The following CACNA2D1 variants were observed in gnomAD, a reference collection of about 807,000 sequenced individuals.
CACNA2D1 encodes the protein voltage-dependent calcium channel subunit alpha-2/delta-1.
In CACNA2D1, 53 loss-of-function variants were observed where a neutral mutation model predicts 171.5. The ratio of observed to expected loss-of-function variants is 0.31; its 90% CI spans 0.25 to 0.39. The LOEUF is 0.39. Ranked by LOEUF, CACNA2D1 falls within the 10% of genes least tolerant of loss-of-function variation. The pLI is 1.00. For missense variants in CACNA2D1, 903 were observed against 1,299.8 expected (o/e 0.69, Z 4.69); for synonymous variants, 442 against 443.1 (o/e 1.00, Z 0.03).
intron 3 of CACNA2D1, among the ~76,000 whole-genome samples, chr7:82,185,931 C>T (rs542547563): frequency 5.9e-5 from 9 of 151,852 alleles, no homozygotes; most frequent in East Asian, 5.9e-4. Context: ...CCTAGGCAGG[C>T]GGATCACCTG....
At chr7:82,104,181 G>A (rs1477522891) in intron 6 of CACNA2D1, among the ~76,000 whole-genome samples, 2 of 151,820 alleles carry the variant, frequency 1.3e-5, no homozygotes, top group Non-Finnish European at 2.9e-5. Context: ...CACGTTTTCC[G>A]TTATTTTAAT....
At chr7:82,221,467 G>C (rs547053129) in intron 3 of CACNA2D1, among the ~76,000 whole-genome samples, 1 of 152,080 alleles carries the variant, frequency 6.6e-6, no homozygotes, top group Non-Finnish European at 1.5e-5. Context: ...AACCTCAGCC[G>C]GGGGCGGTGG....
intron 1 of CACNA2D1, among the ~76,000 whole-genome samples, chr7:82,381,790 G>A (rs2129449447): frequency 6.6e-6 from 1 of 152,202 alleles, no homozygotes; most frequent in South Asian, 2.1e-4. Context: ...GAAAACTCAA[G>A]AATAAAATTC....
intron 36 of CACNA2D1, 41 bp from the exon 37 acceptor site, chr7:81,959,870 T>TCCAAAATAAATGGAAATCTTTC (rs372007526): frequency 2.5e-6 from 4 of 1,593,670 alleles, no homozygotes; most frequent in Non-Finnish European, 3.4e-6. Flanking sequence ...GAGTATCTTT[T>TCCAAAATAAATGGAAATCTTTC]CCAAAATAAA....
chr7:81,947,895 A>G lies in CACNA2D1; in HGVS notation c.*2497T>C, dbSNP rs1042187312. On this transcript the variant is annotated 3_prime_UTR_variant, in exon 39 of 39. Transcript: ENST00000356860. ...ATTTGTAATTGCATTTATGGTTGTC[A>G]TAATATATAACTTTATAGCAGAAAA... 3 of 152,012 alleles carry G rather than the reference A, an allele frequency of 2.0e-5. No homozygotes were observed. The highest frequency in any genetic ancestry group is 7.2e-5 in the African/African-American group (3 of 41,540). 9.4% of individuals were successfully genotyped at this position (152,012 alleles called of 1,614,324 possible). A position where few individuals can be genotyped will look rare whatever the true frequency, so the allele number is the denominator to read the frequency against.
chr7:82,355,881 C>T (rs538089803), intron 1 of CACNA2D1, among the ~76,000 whole-genome samples: 4 of 152,106 alleles, frequency 2.6e-5, no homozygotes, highest in Non-Finnish European at 5.9e-5. Flanking sequence ...TCTTAACTAC[C>T]ATTTGATCAT....
At chr7:82,085,232 TA>T (rs1035704748) in intron 6 of CACNA2D1, among the ~76,000 whole-genome samples, 3 of 152,156 alleles carry the variant, frequency 2.0e-5, no homozygotes, top group African/African-American at 7.2e-5. Context: ...TGAAAATGTT[TA>T]GCAGCATCTC....
At chr7:81,997,860 GGT>G (rs1442288197) in intron 18 of CACNA2D1, among the ~76,000 whole-genome samples, 2 of 151,716 alleles carry the variant, frequency 1.3e-5, no homozygotes, top group Non-Finnish European at 2.9e-5. Context: ...TAAATTTTGT[GGT>G]TGTCATAAAG....
At chr7:81,950,660 C>G in intron 38 of CACNA2D1, 152 bp from the exon 39 acceptor site, 1 of 1,163,512 alleles carries the variant, frequency 8.6e-7, no homozygotes, top group South Asian at 1.6e-5. Flanking sequence ...AAAGAAATTA[C>G]TTTCTCCTAG....
At chr7:82,271,493 T>C (rs1808630232) in intron 3 of CACNA2D1, among the ~76,000 whole-genome samples, 1 of 152,164 alleles carries the variant, frequency 6.6e-6, no homozygotes. Context: ...CCATTATCAC[T>C]TGTCAAATTT....
chr7:82,308,951 G>A (rs367684894), intron 3 of CACNA2D1, among the ~76,000 whole-genome samples: 1 of 152,206 alleles, frequency 6.6e-6, no homozygotes, highest in East Asian at 1.9e-4. Context: ...GGTCTAAATC[G>A]GGTGGAGAAG....
chr7:82,436,312 G>C (rs1283848323), intron 1 of CACNA2D1, among the ~76,000 whole-genome samples: 2 of 152,064 alleles, frequency 1.3e-5, no homozygotes, highest in Non-Finnish European at 2.9e-5. Flanking sequence ...TTACCTGCAA[G>C]TTATTTCTTT....
rs555770675 is a variant in CACNA2D1 at position 82,349,487 on chromosome 7, A to G, written c.177+81T>C. The G allele has an allele frequency of 5.0e-5, 55 of 1,096,606 alleles. 1 individual carries two copies. The highest frequency in any genetic ancestry group is 4.5e-4 in the South Asian group (36 of 80,600). 67.9% of individuals were successfully genotyped at this position (1,096,606 alleles called of 1,614,324 possible). ...AGAAATCATATCCCATTTGTAATATAGAGACACAGTTTCCTAGAAGATAGA... is the reference window on the plus strand; with the variant it reads ...AGAAATCATATCCCATTTGTAATATGGAGACACAGTTTCCTAGAAGATAGA... On this transcript the variant is annotated intron_variant, in intron 2 of 38. Coordinates refer to ENST00000356860, the MANE Select transcript of CACNA2D1 (RefSeq NM_000722.4).
At chr7:82,379,026 C>T (rs1823368340) in intron 1 of CACNA2D1, among the ~76,000 whole-genome samples, 1 of 150,942 alleles carries the variant, frequency 6.6e-6, no homozygotes, top group African/African-American at 2.4e-5. Context: ...TTCTCCTCAA[C>T]TCTGTATTAT....
intron 3 of CACNA2D1, among the ~76,000 whole-genome samples, chr7:82,245,653 C>T (rs1484875426): frequency 2.7e-5 from 3 of 110,846 alleles, no homozygotes; most frequent in Non-Finnish European, 5.7e-5. Flanking sequence ...CTCTCTCTCT[C>T]TCTCTCTCTC....
rs2067170 is a variant in CACNA2D1, at chr7:82,136,546, C to CTTAAAAATT, written c.396+88_396+89insAATTTTTAA. On this transcript the variant is annotated intron_variant, in intron 5 of 38. Coordinates refer to ENST00000356860, the MANE Select transcript of CACNA2D1 (RefSeq NM_000722.4). ...ATGCAGTCTAACATTGTCTTAAAAACTAAAACTGCTAGCTCAATTTATTCT... is the reference window on the plus strand; with the variant it reads ...ATGCAGTCTAACATTGTCTTAAAAACTTAAAAATTTAAAACTGCTAGCTCAATTTATTCT... 86 of 1,010,742 alleles carry CTTAAAAATT rather than the reference C, an allele frequency of 8.5e-5. 3 individuals carry two copies. In the South Asian group the frequency reaches 1.2e-3, roughly 15 times the overall value. 62.6% of individuals were successfully genotyped at this position (1,010,742 alleles called of 1,614,324 possible).
At chr7:82,151,333 A>C (rs924154058) in intron 4 of CACNA2D1, among the ~76,000 whole-genome samples, 1 of 152,076 alleles carries the variant, frequency 6.6e-6, no homozygotes, top group Non-Finnish European at 1.5e-5. Context: ...AGATCTGTAT[A>C]CTTTTCCAAA....
chr7:82,184,815 T>G (rs953322377), intron 3 of CACNA2D1, among the ~76,000 whole-genome samples: 9 of 152,216 alleles, frequency 5.9e-5, no homozygotes, highest in Non-Finnish European at 1.3e-4. Context: ...GGTATCTCAG[T>G]TGAACATCAT....
chr7:82,310,713 A>G (rs1325890526), intron 3 of CACNA2D1, among the ~76,000 whole-genome samples: 1 of 152,132 alleles, frequency 6.6e-6, no homozygotes, highest in African/African-American at 2.4e-5. Flanking sequence ...AGGTCTTTTA[A>G]ATATTTGGAA....
Sources: gnomAD v4.1 joint callset for allele counts (sites outside exome capture counted in the v4.1 genomes callset) on GRCh38, gnomAD v4.1.1 for gene constraint, MANE v1.5 for transcripts, NCBI Gene and HGNC (gene_info 2026-07-23, HGNC 2026-07-21) for gene names.